RYR2: variants seen among roughly 807,000 people sequenced by gnomAD.
RYR2 encodes the protein cardiac muscle ryanodine receptor-calcium release channel.
RYR2 carries 227 observed loss-of-function variants against 601.1 expected under a neutral mutation model. That is an observed-to-expected ratio of 0.38 (90% CI 0.34 to 0.42). The LOEUF is 0.42. RYR2 is among the 10% of genes least tolerant of loss of function. The pLI, the probability that RYR2 is intolerant of heterozygous loss-of-function variation, is 1.00. For synonymous variants in RYR2, 2,223 were observed against 2,175.1 expected (o/e 1.02, Z -0.61); for missense variants, 4,646 against 6,156.5 (o/e 0.75, Z 8.21).
chr1:237,312,379 G>A (rs78776802), intron 2 of RYR2, among the ~76,000 whole-genome samples: 2,861 of 152,192 alleles, frequency 0.019, 57 homozygotes, highest in South Asian at 0.064. Context: ...ACTTTACTGT[G>A]GACTGTCTTC....
chr1:237,522,999 AAAATGAG>A (rs11276709), intron 24 of RYR2, among the ~76,000 whole-genome samples: 34,677 of 152,060 alleles, frequency 0.23, 4,512 homozygotes, highest in South Asian at 0.39. Flanking sequence ...ACTTAAAAAA[AAAATGAG>A]TTAAACAATG....
chr1:237,823,881 T>C (rs914204815), intron 101 of RYR2, among the ~76,000 whole-genome samples: 3 of 152,110 alleles, frequency 2.0e-5, no homozygotes, highest in African/African-American at 7.2e-5. Context: ...CAAACTACCA[T>C]CAGAGAATAC....
At chr1:237,461,111 G>A (rs533141741) in intron 16 of RYR2, among the ~76,000 whole-genome samples, 4 of 152,244 alleles carry the variant, frequency 2.6e-5, no homozygotes, top group African/African-American at 9.6e-5. Context: ...GGTGTATACT[G>A]GTTCTTGTTT....
intron 25 of RYR2, among the ~76,000 whole-genome samples, chr1:237,538,800 T>C (rs2618718): frequency 0.71 from 107,962 of 151,774 alleles, 38,730 homozygotes; most frequent in Non-Finnish European, 0.77. Context: ...AAATAAAAAT[T>C]TGATAAAGCA....
chr1:237,270,667 C>T, intron 2 of RYR2, 51 bp downstream of exon 2: 1 of 1,543,852 alleles, frequency 6.5e-7, no homozygotes, highest in Non-Finnish European at 8.8e-7. Flanking sequence ...TTACTAGTGG[C>T]ATTGAAGTTA....
intron 1 of RYR2, among the ~76,000 whole-genome samples, chr1:237,174,314 A>C (rs1209882772): frequency 2.0e-5 from 3 of 152,196 alleles, no homozygotes; most frequent in African/African-American, 7.2e-5. Context: ...GCAACATTAA[A>C]GAAATAGTAA....
intron 75 of RYR2, among the ~76,000 whole-genome samples, chr1:237,726,851 A>G (rs1047357155): frequency 6.6e-6 from 1 of 152,012 alleles, no homozygotes; most frequent in Non-Finnish European, 1.5e-5. Context: ...TATTCTTACT[A>G]AGGGAATTAT....
At chr1:237,233,280 C>T (rs934627312) in intron 1 of RYR2, among the ~76,000 whole-genome samples, 3 of 152,300 alleles carry the variant, frequency 2.0e-5, no homozygotes, top group Non-Finnish European at 4.4e-5. Context: ...GTTTATACTG[C>T]AAGAAACACA....
intron 26 of RYR2, among the ~76,000 whole-genome samples, chr1:237,549,852 G>A (rs1041915481): frequency 7.9e-5 from 12 of 152,024 alleles, no homozygotes; most frequent in Admixed American, 2.0e-4. Flanking sequence ...GCATCTCCCC[G>A]ATCCCATGGA....
intron 13 of RYR2, among the ~76,000 whole-genome samples, chr1:237,441,880 A>C (rs1264983695): frequency 7.4e-6 from 1 of 134,842 alleles, no homozygotes; most frequent in Non-Finnish European, 1.5e-5. Flanking sequence ...ACACAATCTA[A>C]GGAGGGGGCG....
At chr1:237,786,530 C>G (rs1657598801) in intron 91 of RYR2, among the ~76,000 whole-genome samples, 1 of 152,196 alleles carries the variant, frequency 6.6e-6, no homozygotes, top group African/African-American at 2.4e-5. Context: ...TTCCTGGGCC[C>G]CAAGCCATAG....
At chr1:237,109,194 T>C (rs1269715691) in intron 1 of RYR2, among the ~76,000 whole-genome samples, 3 of 151,338 alleles carry the variant, frequency 2.0e-5, no homozygotes, top group Non-Finnish European at 4.4e-5. Flanking sequence ...ATATGTAAAA[T>C]ACATATATGT....
chr1:237,460,066 A>G (rs1659299932), intron 16 of RYR2, among the ~76,000 whole-genome samples: 1 of 152,102 alleles, frequency 6.6e-6, no homozygotes, highest in South Asian at 2.1e-4. Flanking sequence ...TCTTATCTCC[A>G]GAACCAGCTG....
intron 63 of RYR2, among the ~76,000 whole-genome samples, chr1:237,693,305 A>G (rs1407819342): frequency 2.6e-5 from 4 of 152,182 alleles, no homozygotes; most frequent in Admixed American, 6.5e-5. Context: ...GACCCTTAAA[A>G]TAATAAGATC....
intron 13 of RYR2, among the ~76,000 whole-genome samples, chr1:237,441,848 A>G (rs1195586307): frequency 1.3e-5 from 2 of 151,804 alleles, no homozygotes; most frequent in East Asian, 3.8e-4. Flanking sequence ...CCCAGAAGCC[A>G]ACAAGCCAGA....
intron 35 of RYR2, among the ~76,000 whole-genome samples, chr1:237,602,699 G>A (rs1676643592): frequency 1.3e-5 from 2 of 152,164 alleles, no homozygotes; most frequent in Non-Finnish European, 2.9e-5. Flanking sequence ...GAATGTGGCT[G>A]GAGATTAAGA....
chr1:237,467,503 T>C (rs981694115), intron 16 of RYR2, among the ~76,000 whole-genome samples: 1 of 152,128 alleles, frequency 6.6e-6, no homozygotes, highest in African/African-American at 2.4e-5. Context: ...TCTGTGAGTA[T>C]ATCTCGATGG....
At chr1:237,827,923 T>C (rs536323594) in intron 101 of RYR2, among the ~76,000 whole-genome samples, 8 of 99,576 alleles carry the variant, frequency 8.0e-5, no homozygotes, top group Admixed American at 1.8e-4. Context: ...GGTGACAGAA[T>C]GAGACTCCGT....
chr1:237,404,587 A>G (rs902527595), intron 10 of RYR2, among the ~76,000 whole-genome samples: 1 of 152,216 alleles, frequency 6.6e-6, no homozygotes, highest in Non-Finnish European at 1.5e-5. Flanking sequence ...CACCCCAGCT[A>G]TACACATCCT....
Sources: gnomAD v4.1 joint callset for allele counts (sites outside exome capture counted in the v4.1 genomes callset) on GRCh38, gnomAD v4.1.1 for gene constraint, MANE v1.5 for transcripts, NCBI Gene and HGNC (gene_info 2026-07-23, HGNC 2026-07-21) for gene names.